Variants in CAMK1D observed in about 807,000 individuals in gnomAD.
CAMK1D encodes calcium/calmodulin dependent protein kinase ID, also known as calcium/calmodulin-dependent protein kinase type 1D.
Under a neutral mutation model 47.7 loss-of-function variants are expected in CAMK1D, and 9 were observed. That is an observed-to-expected ratio of 0.19 (90% CI 0.11 to 0.33). The LOEUF (loss-of-function observed/expected upper bound fraction) is 0.33. Ranked by LOEUF, CAMK1D falls within the 10% of genes least tolerant of loss-of-function variation. The probability of loss-of-function intolerance (pLI) is 1.00; values close to 1 mark genes in which losing one functional copy is unlikely to be tolerated. For synonymous variants in CAMK1D, 184 were observed against 184.9 expected (o/e 0.99, Z 0.04); for missense variants, 291 against 488.7 (o/e 0.60, Z 3.81).
chr10:12,634,975 T>C (rs1839473262), intron 2 of CAMK1D, among the ~76,000 whole-genome samples: 1 of 152,212 alleles, frequency 6.6e-6, no homozygotes. Flanking sequence ...ATTTGGCAGA[T>C]GCCATATACT....
chr10:12,650,550 T>C (rs557383517), intron 2 of CAMK1D, among the ~76,000 whole-genome samples: 1 of 152,302 alleles, frequency 6.6e-6, no homozygotes, highest in African/African-American at 2.4e-5. Flanking sequence ...TTGTGGGTTT[T>C]ATGTGAGGTG....
chr10:12,532,361 G>A (rs1835833694), intron 1 of CAMK1D, among the ~76,000 whole-genome samples: 2 of 150,542 alleles, frequency 1.3e-5, no homozygotes, highest in South Asian at 4.2e-4. Flanking sequence ...CTCACTGCAA[G>A]CTCCGCCTCC....
intron 1 of CAMK1D, among the ~76,000 whole-genome samples, chr10:12,448,011 C>G (rs34191611): frequency 6.6e-6 from 1 of 151,872 alleles, no homozygotes; most frequent in Non-Finnish European, 1.5e-5. Flanking sequence ...GCCACTACAC[C>G]TGGCTAATTT....
intron 10 of CAMK1D, among the ~76,000 whole-genome samples, chr10:12,827,651 CTCTCT>C (rs1833304864): frequency 1.2e-4 from 1 of 8,544 alleles, no homozygotes; most frequent in African/African-American, 2.1e-4. Flanking sequence ...CTCCCCTCTC[CTCTCT>C]CCTCTCTCCC....
chr10:12,414,259 A>G (rs962195175), intron 1 of CAMK1D, among the ~76,000 whole-genome samples: 3 of 152,244 alleles, frequency 2.0e-5, no homozygotes, highest in African/African-American at 7.2e-5. Context: ...ATGTTTTATA[A>G]CGTTTTCTGA....
chr10:12,471,438 CTGGCTGT>C (rs1833744092), intron 1 of CAMK1D, among the ~76,000 whole-genome samples: 1 of 151,874 alleles, frequency 6.6e-6, no homozygotes, highest in Non-Finnish European at 1.5e-5. Flanking sequence ...TGGCTGTGTG[CTGGCTGT>C]GTACACATCA....
chr10:12,446,686 G>A (rs1832934152), intron 1 of CAMK1D, among the ~76,000 whole-genome samples: 1 of 152,186 alleles, frequency 6.6e-6, no homozygotes. Flanking sequence ...CTAAAGTCTG[G>A]ATAGTAGCCA....
intron 5 of CAMK1D, among the ~76,000 whole-genome samples, chr10:12,770,832 G>C (rs1837003732): frequency 6.6e-6 from 1 of 152,110 alleles, no homozygotes; most frequent in African/African-American, 2.4e-5. Context: ...GGCTGGGAGA[G>C]GGTACGAGCT....
chr10:12,374,258 CAAAAAAA>C (rs56312810), intron 1 of CAMK1D, among the ~76,000 whole-genome samples: 2 of 91,748 alleles, frequency 2.2e-5, no homozygotes, highest in African/African-American at 8.6e-5. Flanking sequence ...GACTCTGTCT[CAAAAAAA>C]AAAAAAAAAA....
intron 2 of CAMK1D, among the ~76,000 whole-genome samples, chr10:12,631,089 C>T (rs1221444253): frequency 2.0e-5 from 3 of 151,530 alleles, no homozygotes; most frequent in South Asian, 2.1e-4. Flanking sequence ...AATCTATGCA[C>T]GGCCATTCTC....
chr10:12,718,391 A>G (rs1799129224), intron 3 of CAMK1D, among the ~76,000 whole-genome samples: 1 of 152,238 alleles, frequency 6.6e-6, no homozygotes, highest in African/African-American at 2.4e-5. Context: ...AGCATAAGAA[A>G]GTTTCTCGTC....
At chr10:12,759,055 T>C (rs533413566) in intron 3 of CAMK1D, among the ~76,000 whole-genome samples, 6 of 152,222 alleles carry the variant, frequency 3.9e-5, no homozygotes, top group East Asian at 1.9e-4. Flanking sequence ...AATAAATAAT[T>C]AAGTGAATGC....
At chr10:12,606,682 G>A (rs1415431455) in intron 2 of CAMK1D, among the ~76,000 whole-genome samples, 2 of 152,116 alleles carry the variant, frequency 1.3e-5, no homozygotes, top group Non-Finnish European at 2.9e-5. Context: ...GTGGCGTCTC[G>A]GGCACCACGC....
At chr10:12,431,961 C>T (rs374741838) in intron 1 of CAMK1D, among the ~76,000 whole-genome samples, 5 of 152,220 alleles carry the variant, frequency 3.3e-5, no homozygotes, top group Non-Finnish European at 5.9e-5. Context: ...CCTGTCATCC[C>T]TGGGGAGAGG....
intron 3 of CAMK1D, among the ~76,000 whole-genome samples, chr10:12,757,605 G>T (rs1373979891): frequency 6.6e-6 from 1 of 152,194 alleles, no homozygotes; most frequent in Non-Finnish European, 1.5e-5. Flanking sequence ...CTAGCTCTAT[G>T]AATAAGTCAG....
At chr10:12,565,713 C>G (rs1182855467) in intron 2 of CAMK1D, among the ~76,000 whole-genome samples, 1 of 152,146 alleles carries the variant, frequency 6.6e-6, no homozygotes. Flanking sequence ...ATATTATGAT[C>G]TGCATTTCAC....
At chr10:12,476,291 CA>C (rs556845152) in intron 1 of CAMK1D, among the ~76,000 whole-genome samples, 56 of 140,772 alleles carry the variant, frequency 4.0e-4, no homozygotes, top group East Asian at 4.1e-4. Context: ...GACTCTGTTT[CA>C]AAAAAAAAAA....
intron 3 of CAMK1D, among the ~76,000 whole-genome samples, chr10:12,683,088 A>ATT (rs63493960): frequency 0.014 from 1,913 of 134,862 alleles, 48 homozygotes; most frequent in East Asian, 0.078. Flanking sequence ...CACCCAGCTA[A>ATT]TTTTTTTTTT....
chr10:12,801,450 TTCATCTATCTATCCG>T (rs1348898268), intron 6 of CAMK1D, among the ~76,000 whole-genome samples: 2 of 151,660 alleles, frequency 1.3e-5, no homozygotes, highest in African/African-American at 2.4e-5. Flanking sequence ...CATCCATCCA[TTCATCTATCTATCCG>T]TCATCTATCT....
Sources: gnomAD v4.1 joint callset for allele counts (sites outside exome capture counted in the v4.1 genomes callset) on GRCh38, gnomAD v4.1.1 for gene constraint, MANE v1.5 for transcripts, NCBI Gene and HGNC (gene_info 2026-07-23, HGNC 2026-07-21) for gene names.